The following KLHDC4 variants were observed in gnomAD, a reference collection of about 807,000 sequenced individuals.
KLHDC4 encodes the protein kelch domain-containing protein 4.
KLHDC4 carries 90 observed loss-of-function variants against 62.4 expected under a neutral mutation model. The ratio of observed to expected loss-of-function variants is 1.44; its 90% CI spans 1.22 to 1.72. The LOEUF is 1.72. KLHDC4 is among the 40% of genes most tolerant of loss of function. KLHDC4 has a pLI of 0.00. For missense variants in KLHDC4, 1,025 were observed against 699.7 expected (o/e 1.47, Z -5.25); for synonymous variants, 386 against 284.4 (o/e 1.36, Z -3.59).
chr16:87,717,972 C>A (rs1334431358), intron 7 of KLHDC4, among the ~76,000 whole-genome samples: 5 of 152,156 alleles, frequency 3.3e-5, no homozygotes, highest in Non-Finnish European at 7.3e-5. Context: ...AGAGGTGGAG[C>A]ACTTCACAAG....
At position 87,762,124 on chromosome 16, in the gene KLHDC4, G is replaced by C. The variant is rs1336833608; in HGVS notation, c.100-84C>G. ...AGCCCGCTCAGCTTTCCTCCAATCA[G>C]TGTGATTCGACTGGGCTCAGTCACA... On this transcript the variant is annotated intron_variant, in intron 1 of 11. Coordinates refer to ENST00000270583, the MANE Select transcript of KLHDC4 (RefSeq NM_017566.4). 3.8e-6 allele frequency: 6 copies of C among 1,574,588 alleles called. No homozygotes were observed. The Admixed American group carries it at 5.6e-5, about 15-fold the overall frequency.
intron 5 of KLHDC4, among the ~76,000 whole-genome samples, chr16:87,735,033 C>T (rs2041063102): frequency 7.7e-6 from 1 of 129,348 alleles, no homozygotes; most frequent in Admixed American, 8.1e-5. Context: ...GCCCGACGCC[C>T]CCTCCCCCCC....
intron 7 of KLHDC4, among the ~76,000 whole-genome samples, chr16:87,717,713 T>C (rs186661639): frequency 1.3e-4 from 20 of 148,780 alleles, no homozygotes; most frequent in East Asian, 7.7e-4. Flanking sequence ...GTGAACTGAA[T>C]TGACACCCAG....
At chr16:87,757,618 G>A (rs551902835) in intron 2 of KLHDC4, among the ~76,000 whole-genome samples, 6 of 151,780 alleles carry the variant, frequency 4.0e-5, no homozygotes, top group Non-Finnish European at 5.9e-5. Context: ...GGCCAGGCCC[G>A]GTGGCTCACA....
At chr16:87,742,543 A>T (rs1837179404) in intron 5 of KLHDC4, among the ~76,000 whole-genome samples, 1 of 152,204 alleles carries the variant, frequency 6.6e-6, no homozygotes, top group South Asian at 2.1e-4. Context: ...ATCAGATCAC[A>T]ACTGGACCCC....
chr16:87,744,988 C>CACA (rs1555590895), intron 5 of KLHDC4, among the ~76,000 whole-genome samples: 15 of 151,814 alleles, frequency 9.9e-5, no homozygotes, highest in African/African-American at 3.6e-4. Context: ...TGCACACACG[C>CACA]GGTGCACACA....
chr16:87,749,568 A>AG (rs1680141034), intron 4 of KLHDC4, among the ~76,000 whole-genome samples: 2 of 151,720 alleles, frequency 1.3e-5, no homozygotes, highest in South Asian at 2.1e-4. Flanking sequence ...AAAAAAAAAA[A>AG]AAAGAAAGAA....
chr16:87,706,718 G>A (rs1006521210), downstream of KLHDC4, among the ~76,000 whole-genome samples: 2 of 152,238 alleles, frequency 1.3e-5, no homozygotes, highest in African/African-American at 4.8e-5. Context: ...ACACCCGGCT[G>A]CACCAGGGAG....
chr16:87,720,522 T>C (rs1054605495), intron 7 of KLHDC4, among the ~76,000 whole-genome samples: 3 of 151,786 alleles, frequency 2.0e-5, no homozygotes, highest in African/African-American at 7.3e-5. Context: ...CAACCACAGG[T>C]GATGAGCCCC....
rs572950700 is a variant in KLHDC4, at chr16:87,755,207, C to T, written c.356G>A (p.Arg119His). The change falls in exon 4 of 12, where the codon CGC (arginine) becomes CAC (histidine). Residue 119 changes from arginine to histidine, a missense_variant. Arg to His is a conservative substitution (Grantham distance 29). Coordinates refer to ENST00000270583, the MANE Select transcript of KLHDC4 (RefSeq NM_017566.4). ...TGCTGACATTACCTGGTGAGCACAG[C>T]GCCTCGGAGGTGGACTGGGGATGTC... is the stretch of plus-strand genomic sequence containing the variant. ...KVDIPSPPPR[R>H]CAHQAVVVPQ... The T allele has an allele frequency of 1.5e-5, 24 of 1,608,266 alleles. No homozygotes were observed. Among genetic ancestry groups the T allele is most frequent in the Middle Eastern group, 1.7e-4 (1 of 6,030 alleles).
chr16:87,703,500 G>A (rs997993167), downstream of KLHDC4: 2 of 152,270 alleles, frequency 1.3e-5, no homozygotes, highest in Admixed American at 1.3e-4. Flanking sequence ...GTGCACAGGC[G>A]GTTTTTAAAA....
intron 5 of KLHDC4, among the ~76,000 whole-genome samples, chr16:87,737,474 G>C (rs1434254277): frequency 6.6e-6 from 1 of 152,026 alleles, no homozygotes; most frequent in Non-Finnish European, 1.5e-5. Context: ...TGTAATCCCA[G>C]CTACTTGGAA....
At chr16:87,699,748 G>C (rs1322380529) in exon 1 of KLHDC4, 1 of 152,278 alleles carries the variant, frequency 6.6e-6, no homozygotes, top group Non-Finnish European at 1.5e-5. Flanking sequence ...CATTCACTCA[G>C]CTCGCTCCCC....
chr16:87,752,709 C>T (rs564581703), intron 4 of KLHDC4, among the ~76,000 whole-genome samples: 1 of 152,226 alleles, frequency 6.6e-6, no homozygotes, highest in East Asian at 1.9e-4. Flanking sequence ...CCCAGAGGAC[C>T]ACCCAAAGGC....
chr16:87,711,097 C>T (rs547934161), intron 9 of KLHDC4, 138 bp downstream of exon 9: 38 of 751,938 alleles, frequency 5.1e-5, no homozygotes, highest in African/African-American at 4.2e-4. Context: ...CAGTCAGAGA[C>T]GGAACCCTCG....
chr16:87,722,899 G>A (rs966224195), intron 7 of KLHDC4, among the ~76,000 whole-genome samples: 1 of 152,262 alleles, frequency 6.6e-6, no homozygotes, highest in African/African-American at 2.4e-5. Context: ...AGTGAAATGT[G>A]AGGTGAGGGT....
At chr16:87,762,733 C>T (rs1053671357) in intron 1 of KLHDC4, among the ~76,000 whole-genome samples, 14 of 152,170 alleles carry the variant, frequency 9.2e-5, no homozygotes, top group Non-Finnish European at 1.8e-4. Flanking sequence ...TGTGCCAGCA[C>T]AGAGGGCAGC....
intron 6 of KLHDC4, among the ~76,000 whole-genome samples, chr16:87,728,392 G>C (rs575980051): frequency 5.3e-5 from 8 of 152,236 alleles, no homozygotes; most frequent in Admixed American, 3.3e-4. Context: ...TACTTTGCAC[G>C]TAAGATAAAT....
At chr16:87,723,742 A>G (rs890288102) in intron 7 of KLHDC4, among the ~76,000 whole-genome samples, 1 of 152,290 alleles carries the variant, frequency 6.6e-6, no homozygotes, top group Admixed American at 6.5e-5. Flanking sequence ...CAGCAGAATG[A>G]ACGTGGATCA....
Sources: allele counts gnomAD v4.1 joint callset (sites outside exome capture counted in the v4.1 genomes callset), GRCh38; gene constraint gnomAD v4.1.1; transcripts MANE v1.5; gene names NCBI Gene and HGNC (gene_info 2026-07-23, HGNC 2026-07-21).